SHQ1: variants seen among roughly 807,000 people sequenced by gnomAD.
SHQ1 encodes SHQ1, H/ACA ribonucleoprotein assembly factor.
In SHQ1, 49 loss-of-function variants were observed where a neutral mutation model predicts 53.8. The ratio of observed to expected loss-of-function variants is 0.91; its 90% CI spans 0.72 to 1.16. SHQ1 has a LOEUF of 1.16. Among genes scored for constraint, SHQ1 ranks in the 50% most tolerant of loss-of-function variants. The probability of loss-of-function intolerance (pLI) is 0.00; values close to 1 mark genes in which losing one functional copy is unlikely to be tolerated. For missense variants in SHQ1, 738 were observed against 683.1 expected, an observed-to-expected ratio of 1.08 and a Z score of -0.90; for synonymous variants, 243 against 251.0, an observed-to-expected ratio of 0.97 and a Z score of 0.30.
At chr3:72,769,111 G>T (rs1162598761) in intron 10 of SHQ1, among the ~76,000 whole-genome samples, 1 of 152,178 alleles carries the variant, frequency 6.6e-6, no homozygotes, top group Non-Finnish European at 1.5e-5. Flanking sequence ...GCTGCCCCTA[G>T]AAGCCAAACA....
chr3:72,773,069 A>G, intron 10 of SHQ1: 1 of 850,494 alleles, frequency 1.2e-6, no homozygotes. Flanking sequence ...ATGTTCTCTA[A>G]GTACTCGGAA....
At chr3:72,738,642 C>G in the SHQ1 span, among the ~76,000 whole-genome samples, 1 of 152,190 alleles carries the variant, frequency 6.6e-6, no homozygotes, top group Non-Finnish European at 1.5e-5. Flanking sequence ...GTGCCTTCCC[C>G]CAACGAAAGC....
intron 4 of SHQ1, among the ~76,000 whole-genome samples, chr3:72,837,105 C>G (rs549886374): frequency 6.6e-6 from 1 of 152,254 alleles, no homozygotes; most frequent in South Asian, 2.1e-4. Context: ...ATTGTTGCTG[C>G]TGGCAGCCAC....
intron 4 of SHQ1, among the ~76,000 whole-genome samples, chr3:72,838,807 G>A (rs1708073228): frequency 1.3e-5 from 2 of 152,128 alleles, no homozygotes; most frequent in African/African-American, 4.8e-5. Context: ...GTTTATTTCT[G>A]ATGGGAAACA....
chr3:72,751,892 C>T (rs1705393071), intron 10 of SHQ1, among the ~76,000 whole-genome samples: 1 of 151,964 alleles, frequency 6.6e-6, no homozygotes, highest in Non-Finnish European at 1.5e-5. Flanking sequence ...TACCCTGGAC[C>T]CAGCAAGCCC....
rs779939016 is a variant in SHQ1, at chr3:72,796,676, C to T, written c.1061-3640G>A. Among the ~76,000 whole-genome samples the T allele has an allele frequency of 8.0e-5, 12 of 150,830 alleles. No homozygotes were observed. In the South Asian group the frequency reaches 1.3e-3, roughly 16 times the overall value. ...TCTCTACAACAATAAAAAAATTAGT[C>T]GGGCATGGTGGCATACGTCTGTAAT... On this transcript the variant is annotated intron_variant, in intron 9 of 10. Transcript: ENST00000325599.
chr3:72,728,465 T>C, the SHQ1 span, among the ~76,000 whole-genome samples: 30 of 152,196 alleles, frequency 2.0e-4, no homozygotes, highest in Admixed American at 1.2e-3. Flanking sequence ...TTCTGTCTTC[T>C]TGGCTTTGGA....
At chr3:72,762,967 G>A (rs1017240959) in intron 10 of SHQ1, among the ~76,000 whole-genome samples, 3 of 151,148 alleles carry the variant, frequency 2.0e-5, no homozygotes, top group Non-Finnish European at 4.4e-5. Context: ...AGCCCGGCCT[G>A]TTTCTACTTT....
intron 10 of SHQ1, among the ~76,000 whole-genome samples, chr3:72,774,377 C>T (rs1466658645): frequency 2.7e-5 from 4 of 150,540 alleles, no homozygotes; most frequent in Admixed American, 1.3e-4. Context: ...GCTAACAATT[C>T]GAAGATCAAC....
chr3:72,737,612 G>A, the SHQ1 span, among the ~76,000 whole-genome samples: 4 of 152,138 alleles, frequency 2.6e-5, no homozygotes, highest in Non-Finnish European at 5.9e-5. Context: ...TAACCTATGT[G>A]CATCCTCCTA....
chr3:72,846,069 G>T (rs1708320306), intron 1 of SHQ1: 2 of 732,506 alleles, frequency 2.7e-6, no homozygotes, highest in Non-Finnish European at 4.5e-6. Context: ...GTTACTATGA[G>T]CATGAAATGA....
intron 9 of SHQ1, among the ~76,000 whole-genome samples, chr3:72,800,571 T>C (rs1305602374): frequency 1.3e-5 from 2 of 152,224 alleles, no homozygotes; most frequent in Non-Finnish European, 2.9e-5. Flanking sequence ...ATGAAGTCCT[T>C]GACAGGAAAG....
intron 10 of SHQ1, among the ~76,000 whole-genome samples, chr3:72,766,073 G>A (rs1292770549): frequency 6.6e-6 from 1 of 152,144 alleles, no homozygotes; most frequent in African/African-American, 2.4e-5. Context: ...GCCAGGGGGT[G>A]TTCAATTTTT....
intron 6 of SHQ1, among the ~76,000 whole-genome samples, chr3:72,823,291 CATTT>C (rs2106894836): frequency 6.6e-6 from 1 of 151,758 alleles, no homozygotes; most frequent in East Asian, 1.9e-4. Flanking sequence ...ACCATAAAAA[CATTT>C]ATTACAATAT....
intron 4 of SHQ1, 63 bp from the exon 5 acceptor site, chr3:72,832,544 AT>A (rs1395562735): frequency 8.6e-6 from 10 of 1,162,634 alleles, no homozygotes; most frequent in African/African-American, 1.5e-5. Context: ...TAAAACTCAA[AT>A]TTTATACAAA....
At chr3:72,795,462 G>A (rs1706578637) in intron 9 of SHQ1, 1 of 152,166 alleles carries the variant, frequency 6.6e-6, no homozygotes, top group Admixed American at 6.5e-5. Context: ...CAGGCATGAT[G>A]AAACCATGTT....
intron 10 of SHQ1, among the ~76,000 whole-genome samples, chr3:72,768,839 T>C (rs1321462456): frequency 1.3e-5 from 2 of 152,214 alleles, no homozygotes; most frequent in Non-Finnish European, 1.5e-5. Context: ...GTGCCCCCAG[T>C]ATGTTTTTCC....
chr3:72,773,114 T>A (rs1705889987), intron 10 of SHQ1: 1 of 772,650 alleles, frequency 1.3e-6, no homozygotes, highest in Non-Finnish European at 2.3e-6. Flanking sequence ...CTTCGTGAAA[T>A]TGAGCTCAAA....
In SHQ1 at chr3:72,787,763, G is replaced by A. The variant is rs575520615; in HGVS notation, c.1181+5153C>T. Among the ~76,000 whole-genome samples, 356 of 146,658 alleles carry A rather than the reference G, an allele frequency of 2.4e-3. 2 individuals are homozygous for A. The highest frequency in any genetic ancestry group is 8.1e-3 in the African/African-American group (316 of 39,178). On this transcript the variant is annotated intron_variant, in intron 10 of 10. Coordinates refer to ENST00000325599, the MANE Select transcript of SHQ1 (RefSeq NM_018130.3). ...CTTTGCACGGTCTCCCTCTGATGCC[G>A]AGCGGAGGCTGGACTGTACTGCCGC... is the stretch of plus-strand genomic sequence containing the variant.
Sources: gnomAD v4.1 joint callset for allele counts (sites outside exome capture counted in the v4.1 genomes callset) on GRCh38, gnomAD v4.1.1 for gene constraint, MANE v1.5 for transcripts, NCBI Gene and HGNC (gene_info 2026-07-23, HGNC 2026-07-21) for gene names.